Variants in JAKMIP2 observed in about 807,000 individuals in gnomAD.
JAKMIP2 encodes janus kinase and microtubule interacting protein 2, also known as janus kinase and microtubule-interacting protein 2.
Under a neutral mutation model 115.0 loss-of-function variants are expected in JAKMIP2, and 25 were observed. The observed-to-expected ratio is 0.22, with a 90% confidence interval of 0.16 to 0.30. JAKMIP2 has a LOEUF of 0.30. Among genes scored for constraint, JAKMIP2 ranks in the 10% least tolerant of loss-of-function variants. The probability of loss-of-function intolerance (pLI) is 1.00; values close to 1 mark genes in which losing one functional copy is unlikely to be tolerated. For missense variants in JAKMIP2, 642 were observed against 957.6 expected, an observed-to-expected ratio of 0.67 and a Z score of 4.35; for synonymous variants, 334 against 343.6, an observed-to-expected ratio of 0.97 and a Z score of 0.31.
intron 16 of JAKMIP2, among the ~76,000 whole-genome samples, chr5:147,624,964 C>CTATTTATTTATT (rs58840721): frequency 0.05 from 7,473 of 150,920 alleles, 530 homozygotes; most frequent in African/African-American, 0.15. Context: ...CTACAAGGTA[C>CTATTTATTTATT]TATTTATTTA....
rs183502341 is a variant in JAKMIP2 at position 147,772,397 on chromosome 5, G to C, written c.-149+10059C>G. 1.6e-3 allele frequency among the ~76,000 whole-genome samples: 245 copies of C among 151,170 alleles called. 1 individual carries two copies. Among genetic ancestry groups the C allele is most frequent in the Admixed American group, 0.015 (228 of 15,108 alleles). The stretch of plus-strand genomic sequence containing the variant: ...GCTTCTATATGAATGAAAACTGAAT[G>C]TGTAACTGAAGAACAATAAATATCA... On this transcript the variant is annotated intron_variant, in intron 1 of 21. Transcript: ENST00000616793.
chr5:147,738,431 G>C lies in JAKMIP2; in HGVS notation c.-149+44025C>G, dbSNP rs28441589. 4.6e-3 allele frequency among the ~76,000 whole-genome samples: 706 copies of C among 152,228 alleles called. 6 individuals carry two copies. Among genetic ancestry groups the C allele is most frequent in the African/African-American group, 0.015 (637 of 41,534 alleles). On this transcript the variant is annotated intron_variant, in intron 1 of 21. Transcript: ENST00000616793. ...AATGTTTACAATATTAAAAATATAT[G>C]TATTTCCCCTATGTCATTATAGATG...
intron 12 of JAKMIP2, among the ~76,000 whole-genome samples, chr5:147,633,941 C>T (rs554997415): frequency 6.6e-6 from 1 of 152,238 alleles, no homozygotes; most frequent in South Asian, 2.1e-4. Context: ...CCACCCGCCT[C>T]GGCCTCCCAA....
chr5:147,610,915 A>G (rs1274492375), intron 20 of JAKMIP2, among the ~76,000 whole-genome samples: 2 of 152,320 alleles, frequency 1.3e-5, no homozygotes, highest in East Asian at 3.9e-4. Context: ...CAGTCTGGCT[A>G]CAGCAGCTTT....
intron 16 of JAKMIP2, among the ~76,000 whole-genome samples, chr5:147,627,652 T>C (rs994916827): frequency 2.4e-5 from 3 of 127,364 alleles, no homozygotes; most frequent in Non-Finnish European, 4.7e-5. Context: ...CTTCAATGTG[T>C]ATCTCTAACA....
intron 5 of JAKMIP2, among the ~76,000 whole-genome samples, chr5:147,645,915 C>T (rs549627792): frequency 6.6e-6 from 1 of 152,264 alleles, no homozygotes; most frequent in South Asian, 2.1e-4. Context: ...CTCCCCTTTA[C>T]TTTTAAAACA....
intron 1 of JAKMIP2, among the ~76,000 whole-genome samples, chr5:147,694,046 C>T (rs1751991111): frequency 6.6e-6 from 1 of 152,078 alleles, no homozygotes; most frequent in Non-Finnish European, 1.5e-5. Flanking sequence ...TACATCAATT[C>T]CCACATCTCC....
In JAKMIP2 at chr5:147,686,869, C is replaced by A. The variant is rs868704407; in HGVS notation, c.-148-14915G>T. Among the ~76,000 whole-genome samples, 6 of 152,248 alleles carry A rather than the reference C, an allele frequency of 3.9e-5. 1 individual carries two copies. The Middle Eastern group carries it at 0.01, about 259-fold the overall frequency. ...CCAGCATTTTCTTTATTACCTGGCA[C>A]ATGAAACTAGGAATTATAATTTCTC... On this transcript the variant is annotated intron_variant, in intron 1 of 21. Transcript: ENST00000616793.
At chr5:147,715,464 TAC>T (rs1450463799) in intron 1 of JAKMIP2, among the ~76,000 whole-genome samples, 6 of 150,992 alleles carry the variant, frequency 4.0e-5, no homozygotes, top group African/African-American at 9.7e-5. Flanking sequence ...ATATATGTAT[TAC>T]ATATTCATGT....
At chr5:147,700,069 C>T (rs1212002768) in intron 1 of JAKMIP2, among the ~76,000 whole-genome samples, 1 of 152,138 alleles carries the variant, frequency 6.6e-6, no homozygotes. Flanking sequence ...TGGAGAAACA[C>T]CCTTTTAACA....
At chr5:147,658,791 G>A (rs531263787) in intron 3 of JAKMIP2, among the ~76,000 whole-genome samples, 2 of 152,124 alleles carry the variant, frequency 1.3e-5, no homozygotes, top group South Asian at 4.2e-4. Flanking sequence ...TGGTGAATTC[G>A]GCCCAGTCCA....
chr5:147,730,708 C>T (rs1255092854), intron 1 of JAKMIP2, among the ~76,000 whole-genome samples: 3 of 152,192 alleles, frequency 2.0e-5, no homozygotes, highest in Non-Finnish European at 4.4e-5. Context: ...CCGGCCTCAG[C>T]CTCCCAAAGT....
intron 1 of JAKMIP2, among the ~76,000 whole-genome samples, chr5:147,750,174 T>C (rs1754496259): frequency 6.6e-6 from 1 of 152,026 alleles, no homozygotes; most frequent in African/African-American, 2.4e-5. Flanking sequence ...ATCACAACCA[T>C]TGCGAAATAA....
chr5:147,716,915 T>C (rs1279811474), intron 1 of JAKMIP2, among the ~76,000 whole-genome samples: 1 of 144,540 alleles, frequency 6.9e-6, no homozygotes, highest in Non-Finnish European at 1.5e-5. Flanking sequence ...CATGAAGTCC[T>C]TGCCCATGCC....
At chr5:147,733,654 C>G (rs2126975669) in intron 1 of JAKMIP2, among the ~76,000 whole-genome samples, 1 of 152,182 alleles carries the variant, frequency 6.6e-6, no homozygotes, top group Admixed American at 6.5e-5. Context: ...GTGATGTCCC[C>G]CTCCCTGTGT....
Position 147,702,579 on chromosome 5 carries a change from G to GAAAGAAGGAAAGAAA in JAKMIP2, c.-148-30626_-148-30625insTTTCTTTCCTTCTTT, listed in dbSNP as rs1561547232. ...AAGAAAGAAAGAAAGAAAGAAAGAA[G>GAAAGAAGGAAAGAAA]GAAAGAAAGAAAGAAAGAAAGAAGG... On this transcript the variant is annotated intron_variant, in intron 1 of 21. Coordinates refer to ENST00000616793, the MANE Select transcript of JAKMIP2 (RefSeq NM_001270941.2). Among the ~76,000 whole-genome samples the GAAAGAAGGAAAGAAA allele has an allele frequency of 8.1e-4, 65 of 80,580 alleles. 1 individual carries two copies. Among genetic ancestry groups the GAAAGAAGGAAAGAAA allele is most frequent in the African/African-American group, 2.8e-3 (60 of 21,694 alleles). 52.9% of individuals were successfully genotyped at this position (80,580 alleles called of 152,430 possible).
intron 21 of JAKMIP2, among the ~76,000 whole-genome samples, chr5:147,592,854 G>A (rs1173981252): frequency 6.6e-6 from 1 of 152,126 alleles, no homozygotes; most frequent in East Asian, 1.9e-4. Context: ...CTACCAACCA[G>A]GGGCAACTTA....
chr5:147,767,217 G>C (rs1464727898), intron 1 of JAKMIP2, among the ~76,000 whole-genome samples: 1 of 152,100 alleles, frequency 6.6e-6, no homozygotes, highest in East Asian at 1.9e-4. Context: ...TATACACAGA[G>C]TGAAAGAGAA....
At chr5:147,616,154 A>G (rs1756569550) in intron 19 of JAKMIP2, among the ~76,000 whole-genome samples, 1 of 152,180 alleles carries the variant, frequency 6.6e-6, no homozygotes, top group South Asian at 2.1e-4. Flanking sequence ...ACATTCAAGC[A>G]GAACGGTGTA....
Sources: allele counts gnomAD v4.1 joint callset (sites outside exome capture counted in the v4.1 genomes callset), GRCh38; gene constraint gnomAD v4.1.1; transcripts MANE v1.5; gene names NCBI Gene and HGNC (gene_info 2026-07-23, HGNC 2026-07-21).